Variants in CFAP263 observed in about 807,000 individuals in gnomAD.
CFAP263 encodes the protein cilia and flagella associated protein 263.
the CFAP263 span, chr16:58,252,864 G>A: frequency 6.2e-7 from 1 of 1,613,178 alleles, no homozygotes; most frequent in Non-Finnish European, 8.5e-7. Context: ...GTACACAATG[G>A]AGATCTAGAT....
At chr16:58,254,796 C>T in the CFAP263 span, among the ~76,000 whole-genome samples, 2 of 151,848 alleles carry the variant, frequency 1.3e-5, no homozygotes, top group Non-Finnish European at 2.9e-5. Context: ...TTAGTAGACA[C>T]GAGGTTTTCA....
At chr16:58,253,774 T>C in the CFAP263 span, among the ~76,000 whole-genome samples, 8 of 152,226 alleles carry the variant, frequency 5.3e-5, no homozygotes, top group Non-Finnish European at 8.8e-5. Context: ...CACTTCATTG[T>C]CAAACATAGG....
chr16:58,278,762 G>T, the CFAP263 span: 1 of 879,286 alleles, frequency 1.1e-6, no homozygotes. Flanking sequence ...AACCTCAGCA[G>T]TTGCTTTAAC....
At chr16:58,282,658 G>C in the CFAP263 span, 2 of 152,270 alleles carry the variant, frequency 1.3e-5, no homozygotes, top group African/African-American at 2.4e-5. Flanking sequence ...ATGGAAGGGG[G>C]TGCTTTAGTG....
chr16:58,256,260 GC>G, the CFAP263 span, among the ~76,000 whole-genome samples: 1 of 152,108 alleles, frequency 6.6e-6, no homozygotes, highest in Non-Finnish European at 1.5e-5. Flanking sequence ...AGTTAAAGGA[GC>G]TTGGGATGTG....
At chr16:58,279,627 C>G in the CFAP263 span, 4 of 1,357,718 alleles carry the variant, frequency 2.9e-6, no homozygotes, top group Non-Finnish European at 4.0e-6. Context: ...CAGTTTTCCC[C>G]AAGTGACTTT....
At chr16:58,250,001 G>C in the CFAP263 span, 1 of 1,557,362 alleles carries the variant, frequency 6.4e-7, no homozygotes, top group Non-Finnish European at 8.7e-7. Flanking sequence ...GGCAGGGGCC[G>C]CTTCGGCAGA....
the CFAP263 span, among the ~76,000 whole-genome samples, chr16:58,268,062 A>AGAGAGAAT: frequency 0.57 from 85,481 of 150,754 alleles, 24,892 homozygotes; most frequent in African/African-American, 0.71. Context: ...AGAGAGAGAG[A>AGAGAGAAT]GGTCATAACC....
At chr16:58,252,645 C>A in the CFAP263 span, 1 of 1,245,894 alleles carries the variant, frequency 8.0e-7, no homozygotes, top group Non-Finnish European at 1.2e-6. Flanking sequence ...ACGGGTTTTG[C>A]AGGTCTACTA....
chr16:58,261,007 G>C, the CFAP263 span, among the ~76,000 whole-genome samples: 4 of 152,166 alleles, frequency 2.6e-5, no homozygotes, highest in African/African-American at 9.7e-5. Flanking sequence ...CCCAGACCAA[G>C]GAAGGGGTAG....
chr16:58,280,288 A>G, the CFAP263 span: 2 of 1,613,984 alleles, frequency 1.2e-6, no homozygotes, highest in Non-Finnish European at 1.7e-6. Context: ...GGGCTGATAC[A>G]ACCTGTTCTG....
the CFAP263 span, among the ~76,000 whole-genome samples, chr16:58,265,249 C>T: frequency 3.3e-5 from 5 of 152,174 alleles, no homozygotes; most frequent in South Asian, 2.1e-4. Context: ...TTCAATGATT[C>T]GGTTATACTG....
chr16:58,252,772 A>AT, the CFAP263 span: 1 of 1,613,428 alleles, frequency 6.2e-7, no homozygotes, highest in Non-Finnish European at 8.5e-7. Flanking sequence ...TGTTTGAGAA[A>AT]TATTACGCTA....
chr16:58,269,071 C>A, the CFAP263 span, among the ~76,000 whole-genome samples: 1 of 152,104 alleles, frequency 6.6e-6, no homozygotes, highest in Non-Finnish European at 1.5e-5. Flanking sequence ...CAGTGGCTCA[C>A]GCTGTAATCC....
At chr16:58,253,659 A>G in the CFAP263 span, among the ~76,000 whole-genome samples, 1 of 152,238 alleles carries the variant, frequency 6.6e-6, no homozygotes, top group Non-Finnish European at 1.5e-5. Context: ...TCCTGTGTTC[A>G]GCTCAGGAAG....
At chr16:58,279,873 C>A in the CFAP263 span, 1 of 999,480 alleles carries the variant, frequency 1.0e-6, no homozygotes, top group Non-Finnish European at 1.5e-6. Context: ...CCCTGTCTGC[C>A]TGGTGTTCCC....
the CFAP263 span, among the ~76,000 whole-genome samples, chr16:58,260,192 T>A: frequency 6.6e-6 from 1 of 152,262 alleles, no homozygotes; most frequent in Admixed American, 6.5e-5. Flanking sequence ...TGGGAGAAGC[T>A]ATGATAACAG....
At chr16:58,279,674 C>CT in the CFAP263 span, 122,260 of 1,364,384 alleles carry the variant, frequency 0.09, 779 homozygotes, top group Non-Finnish European at 0.1. Flanking sequence ...TTCTTTTTTT[C>CT]TTTTTTTTTT....
chr16:58,264,355 A>G, the CFAP263 span, among the ~76,000 whole-genome samples: 1 of 152,168 alleles, frequency 6.6e-6, no homozygotes, highest in Non-Finnish European at 1.5e-5. Context: ...GATTTTTAAA[A>G]TCAAACTGCC....
Sources: allele counts gnomAD v4.1 joint callset (sites outside exome capture counted in the v4.1 genomes callset), GRCh38; gene constraint gnomAD v4.1.1; transcripts MANE v1.5; gene names NCBI Gene and HGNC (gene_info 2026-07-23, HGNC 2026-07-21).